Variants in FSTL4 observed in about 807,000 individuals in gnomAD.
FSTL4 encodes follistatin-related protein 4.
In FSTL4, 28 loss-of-function variants were observed where a neutral mutation model predicts 78.2. The ratio of observed to expected loss-of-function variants is 0.36; its 90% CI spans 0.27 to 0.49. The LOEUF (loss-of-function observed/expected upper bound fraction) is 0.49. Ranked by LOEUF, FSTL4 falls within the 20% of genes least tolerant of loss-of-function variation. The pLI is 0.98. For synonymous variants in FSTL4, 422 were observed against 440.5 expected, an observed-to-expected ratio of 0.96 and a Z score of 0.53; for missense variants, 922 against 1,084.9, an observed-to-expected ratio of 0.85 and a Z score of 2.11.
At chr5:133,637,173 G>C in the FSTL4 span, among the ~76,000 whole-genome samples, 8 of 152,042 alleles carry the variant, frequency 5.3e-5, no homozygotes, top group Non-Finnish European at 1.2e-4. Flanking sequence ...GGACAGACTG[G>C]ACTTGATGTC....
intron 3 of FSTL4, among the ~76,000 whole-genome samples, chr5:133,403,965 C>A (rs1756296988): frequency 6.6e-6 from 1 of 152,198 alleles, no homozygotes; most frequent in Non-Finnish European, 1.5e-5. Flanking sequence ...GCTCCCATGG[C>A]CTTCCCTGCA....
chr5:133,331,277 G>A (rs147533857), intron 4 of FSTL4, among the ~76,000 whole-genome samples: 7 of 152,326 alleles, frequency 4.6e-5, no homozygotes, highest in East Asian at 1.9e-4. Flanking sequence ...CTGAGCGGGC[G>A]TCTCACAGGC....
intron 3 of FSTL4, among the ~76,000 whole-genome samples, chr5:133,459,502 T>C (rs556083427): frequency 6.6e-6 from 1 of 152,368 alleles, no homozygotes; most frequent in Non-Finnish European, 1.5e-5. Context: ...AAAATAATGT[T>C]TTTTTAAAAA....
At chr5:133,781,365 T>TG in the FSTL4 span, among the ~76,000 whole-genome samples, 1 of 143,304 alleles carries the variant, frequency 7.0e-6, no homozygotes. Context: ...TGTTAAGCGG[T>TG]TGTGTGTGTG....
chr5:133,726,999 G>A, the FSTL4 span, among the ~76,000 whole-genome samples: 2 of 152,078 alleles, frequency 1.3e-5, no homozygotes, highest in South Asian at 2.1e-4. Context: ...GTGGCATGTC[G>A]GTGTATTAAC....
At chr5:133,556,955 T>A (rs542697037) in intron 3 of FSTL4, among the ~76,000 whole-genome samples, 1 of 152,330 alleles carries the variant, frequency 6.6e-6, no homozygotes, top group East Asian at 1.9e-4. Context: ...TTGCTTTTCA[T>A]CCTTATGTGC....
chr5:133,301,856 T>C (rs888437191), intron 6 of FSTL4, among the ~76,000 whole-genome samples: 2 of 151,936 alleles, frequency 1.3e-5, no homozygotes, highest in African/African-American at 4.8e-5. Context: ...AAGCCCAAAA[T>C]GGAAAGCCAT....
the FSTL4 span, among the ~76,000 whole-genome samples, chr5:133,725,269 T>C: frequency 6.6e-6 from 1 of 152,208 alleles, no homozygotes; most frequent in Non-Finnish European, 1.5e-5. Flanking sequence ...TGTGGTAAGT[T>C]TCACTGTGTT....
In FSTL4 at chr5:133,225,474, C is replaced by T. The variant is rs1751299377; in HGVS notation, c.1177+184G>A. Among the ~76,000 whole-genome samples the T allele has an allele frequency of 6.6e-6, 1 of 152,180 alleles. No individual in the cohort carries two copies. The highest frequency in any genetic ancestry group is 1.5e-5 in the Non-Finnish European group (1 of 68,026). On this transcript the variant is annotated intron_variant, in intron 9 of 15. Coordinates refer to ENST00000265342, the MANE Select transcript of FSTL4 (RefSeq NM_015082.2). The surrounding 1 kb of genome is among the most constrained non-coding windows in gnomAD (Gnocchi z 4.6). ...CTGGACCTGAGTGACAGCTTCTCAT[C>T]ATTGCTGTCAGAAAGCCCCAAAAGA...
At chr5:133,796,068 A>T in the FSTL4 span, among the ~76,000 whole-genome samples, 4 of 151,788 alleles carry the variant, frequency 2.6e-5, no homozygotes, top group African/African-American at 9.7e-5. Flanking sequence ...TCCTCCAACC[A>T]CTTTCCCATG....
chr5:133,240,017 G>C (rs940627005), intron 7 of FSTL4, among the ~76,000 whole-genome samples: 1 of 152,204 alleles, frequency 6.6e-6, no homozygotes, highest in African/African-American at 2.4e-5. Context: ...TTTCCACGCA[G>C]TGGAAGCTTT....
chr5:133,694,431 T>G, the FSTL4 span, among the ~76,000 whole-genome samples: 1 of 152,244 alleles, frequency 6.6e-6, no homozygotes, highest in Non-Finnish European at 1.5e-5. Context: ...CACAAAACAT[T>G]AACTGAGCAT....
intron 4 of FSTL4, among the ~76,000 whole-genome samples, chr5:133,317,128 C>T (rs1234234761): frequency 6.6e-6 from 1 of 152,046 alleles, no homozygotes; most frequent in Non-Finnish European, 1.5e-5. Flanking sequence ...ATAAGCCCTG[C>T]TTATGTTAAT....
At chr5:133,217,443 C>T in intron 12 of FSTL4, 65 bp from the exon 13 acceptor site, 1 of 1,453,636 alleles carries the variant, frequency 6.9e-7, no homozygotes, top group Non-Finnish European at 9.5e-7. Flanking sequence ...TCTCTAGGTA[C>T]TCTCTCCCCT....
chr5:133,591,832 T>A (rs1171775229), intron 2 of FSTL4, among the ~76,000 whole-genome samples: 1 of 152,078 alleles, frequency 6.6e-6, no homozygotes, highest in Non-Finnish European at 1.5e-5. Context: ...AGACTTCCAA[T>A]GCCTCTAAGC....
chr5:133,680,149 G>A, the FSTL4 span, among the ~76,000 whole-genome samples: 1 of 152,140 alleles, frequency 6.6e-6, no homozygotes, highest in Non-Finnish European at 1.5e-5. Context: ...GCATTCCACA[G>A]CATGGCATGG....
At position 133,266,799 on chromosome 5, in the gene FSTL4, T is replaced by C. The variant is rs1180708425; in HGVS notation, c.728-17223A>G. Among the ~76,000 whole-genome samples the C allele has an allele frequency of 2.0e-5, 3 of 152,308 alleles. No homozygotes were observed. The East Asian group carries it at 5.8e-4, about 29-fold the overall frequency. Reference sequence around the variant, plus strand: ...TCAGCCTGCAGCAGACAAAGCAGCCTCTGCTGCCCTGCTCAGAGAGAAGCC... The same window carrying C: ...TCAGCCTGCAGCAGACAAAGCAGCCCCTGCTGCCCTGCTCAGAGAGAAGCC... On this transcript the variant is annotated intron_variant, in intron 6 of 15. Coordinates refer to ENST00000265342, the MANE Select transcript of FSTL4 (RefSeq NM_015082.2).
chr5:133,220,482 CTG>C (rs1461315896), intron 12 of FSTL4, among the ~76,000 whole-genome samples: 7 of 152,230 alleles, frequency 4.6e-5, no homozygotes, highest in Admixed American at 2.6e-4. Context: ...CATCGTTTGA[CTG>C]TGAATTTCTG....
chr5:133,339,537 G>A (rs557228718), intron 4 of FSTL4, among the ~76,000 whole-genome samples: 6 of 152,116 alleles, frequency 3.9e-5, no homozygotes, highest in Non-Finnish European at 8.8e-5. Flanking sequence ...TCCCACCATC[G>A]ACATGAGCCA....
Sources: gnomAD v4.1 joint callset for allele counts (sites outside exome capture counted in the v4.1 genomes callset) on GRCh38, gnomAD v4.1.1 for gene constraint, Gnocchi (gnomAD v3.1) non-coding constraint, MANE v1.5 for transcripts, NCBI Gene and HGNC (gene_info 2026-07-23, HGNC 2026-07-21) for gene names.